KLHL2: variants seen among roughly 807,000 people sequenced by gnomAD.
KLHL2 encodes kelch-like protein 2.
A neutral mutation model predicts 75.8 loss-of-function variants in KLHL2; 15 were observed. The observed-to-expected ratio is 0.20, with a 90% CI of 0.13 to 0.30. The LOEUF is 0.30. Among genes scored for constraint, KLHL2 ranks in the 10% least tolerant of loss-of-function variants. The pLI, the probability that KLHL2 is intolerant of heterozygous loss-of-function variation, is 1.00. For synonymous variants in KLHL2, 214 were observed against 251.9 expected (o/e 0.85, Z 1.42); for missense variants, 381 against 741.0 (o/e 0.51, Z 5.64).
intron 5 of KLHL2, among the ~76,000 whole-genome samples, chr4:165,264,605 T>TATATATATATATATATATATATATATAC (rs757273597): frequency 8.1e-6 from 1 of 124,130 alleles, no homozygotes; most frequent in African/African-American, 3.1e-5. Flanking sequence ...TATATATATA[T>TATATATATATATATATATATATATATAC]ACACACACAC....
chr4:165,307,505 C>T (rs1009202047), intron 9 of KLHL2, among the ~76,000 whole-genome samples: 1 of 152,136 alleles, frequency 6.6e-6, no homozygotes, highest in Non-Finnish European at 1.5e-5. Context: ...TTCATATTTA[C>T]CATTTTTCCA....
intron 1 of KLHL2, among the ~76,000 whole-genome samples, chr4:165,214,621 C>T (rs1373835940): frequency 6.6e-6 from 1 of 152,150 alleles, no homozygotes; most frequent in Non-Finnish European, 1.5e-5. Context: ...GCCAATGCTT[C>T]CCCACACACT....
intron 5 of KLHL2, chr4:165,278,518 T>A (rs763502239): frequency 1.9e-5 from 31 of 1,608,914 alleles, no homozygotes; most frequent in Non-Finnish European, 2.6e-5. Flanking sequence ...TTATCCCTCT[T>A]GCGCTGGGCT....
At chr4:165,240,701 C>A (rs1353315624) in intron 4 of KLHL2, among the ~76,000 whole-genome samples, 2 of 152,070 alleles carry the variant, frequency 1.3e-5, no homozygotes, top group African/African-American at 4.8e-5. Flanking sequence ...TTTGTTCATT[C>A]TTTTTATTCA....
chr4:165,224,496 T>C (rs1738270350), intron 2 of KLHL2, among the ~76,000 whole-genome samples: 1 of 152,240 alleles, frequency 6.6e-6, no homozygotes, highest in Non-Finnish European at 1.5e-5. Context: ...CAGAAGATAT[T>C]TAAGCAAAAT....
intron 5 of KLHL2, among the ~76,000 whole-genome samples, chr4:165,264,749 T>TAC (rs1283428143): frequency 2.3e-4 from 17 of 73,720 alleles, no homozygotes; most frequent in Admixed American, 1.6e-3. Flanking sequence ...TGTATATATA[T>TAC]ATATATATAT....
chr4:165,251,158 A>C (rs975025425), intron 4 of KLHL2, among the ~76,000 whole-genome samples: 13 of 151,850 alleles, frequency 8.6e-5, no homozygotes, highest in Non-Finnish European at 1.9e-4. Flanking sequence ...AAATTCCTGT[A>C]TCAAACCTTC....
At chr4:165,258,012 G>A (rs1432028708) in intron 4 of KLHL2, among the ~76,000 whole-genome samples, 1 of 152,124 alleles carries the variant, frequency 6.6e-6, no homozygotes, top group Non-Finnish European at 1.5e-5. Flanking sequence ...TAAACTGAGA[G>A]TGAAGAGACT....
intron 5 of KLHL2, chr4:165,278,676 T>C (rs1402537957): frequency 6.2e-7 from 1 of 1,601,492 alleles, no homozygotes; most frequent in East Asian, 2.2e-5. Context: ...GCACCAGCTA[T>C]AGCTACAGAA....
intron 4 of KLHL2, among the ~76,000 whole-genome samples, chr4:165,256,473 C>A (rs1445704386): frequency 3.3e-5 from 5 of 152,090 alleles, no homozygotes; most frequent in Non-Finnish European, 7.4e-5. Context: ...TACTGTTCTA[C>A]AAAACACTGG....
At chr4:165,308,581 G>A (rs1413739737) in intron 9 of KLHL2, among the ~76,000 whole-genome samples, 1 of 152,118 alleles carries the variant, frequency 6.6e-6, no homozygotes, top group Non-Finnish European at 1.5e-5. Flanking sequence ...TTGGTAGGGG[G>A]CACTTCATAG....
chr4:165,224,883 G>A (rs1201778341), intron 2 of KLHL2, among the ~76,000 whole-genome samples: 2 of 152,256 alleles, frequency 1.3e-5, no homozygotes, highest in East Asian at 3.9e-4. Flanking sequence ...ATTTTTAAAT[G>A]TATCATTAAA....
At chr4:165,295,888 T>G (rs892862942) in intron 6 of KLHL2, among the ~76,000 whole-genome samples, 11 of 152,198 alleles carry the variant, frequency 7.2e-5, no homozygotes, top group Non-Finnish European at 1.5e-5. Flanking sequence ...GAAAATTAAC[T>G]GTATTGTAGT....
intron 5 of KLHL2, among the ~76,000 whole-genome samples, chr4:165,281,972 TG>T (rs1248683355): frequency 6.6e-6 from 1 of 152,176 alleles, no homozygotes; most frequent in Non-Finnish European, 1.5e-5. Flanking sequence ...CAGTGGCCAG[TG>T]GTGAACTACT....
intron 5 of KLHL2, among the ~76,000 whole-genome samples, chr4:165,264,654 A>G (rs1742007075): frequency 7.1e-6 from 1 of 141,006 alleles, no homozygotes; most frequent in Non-Finnish European, 1.5e-5. Flanking sequence ...ACACATGTAT[A>G]TACATATATG....
intron 1 of KLHL2, among the ~76,000 whole-genome samples, chr4:165,211,416 A>G (rs1737196573): frequency 6.6e-6 from 1 of 152,250 alleles, no homozygotes; most frequent in African/African-American, 2.4e-5. Context: ...AGATCAGTAA[A>G]AAGTTCACTG....
At chr4:165,306,051 C>G (rs548559757) in intron 9 of KLHL2, among the ~76,000 whole-genome samples, 1 of 152,318 alleles carries the variant, frequency 6.6e-6, no homozygotes, top group East Asian at 1.9e-4. Flanking sequence ...GAGATTCCCT[C>G]AGCTATAAGG....
At chr4:165,315,658 C>T (rs1746540114) in intron 13 of KLHL2, among the ~76,000 whole-genome samples, 1 of 152,114 alleles carries the variant, frequency 6.6e-6, no homozygotes, top group East Asian at 1.9e-4. Context: ...TAAAATCTCA[C>T]CCTCATTCCA....
intron 3 of KLHL2, among the ~76,000 whole-genome samples, chr4:165,229,927 G>T (rs1189961811): frequency 2.0e-5 from 3 of 152,240 alleles, no homozygotes; most frequent in Non-Finnish European, 4.4e-5. Context: ...GGAGACCAGA[G>T]CCCCGCTCAG....
Sources: gnomAD v4.1 joint callset for allele counts (sites outside exome capture counted in the v4.1 genomes callset) on GRCh38, gnomAD v4.1.1 for gene constraint, MANE v1.5 for transcripts, NCBI Gene and HGNC (gene_info 2026-07-23, HGNC 2026-07-21) for gene names.